Variants in FNDC1 observed in about 807,000 individuals in gnomAD.
The protein encoded by FNDC1 is fibronectin type III domain containing 1.
FNDC1 carries 96 observed loss-of-function variants against 168.0 expected under a neutral mutation model. The ratio of observed to expected loss-of-function variants is 0.57; its 90% CI spans 0.48 to 0.68. FNDC1 has a LOEUF of 0.68. Ranked by LOEUF, FNDC1 falls within the 30% of genes least tolerant of loss-of-function variation. FNDC1 has a pLI of 0.00. For missense variants in FNDC1, 2,587 were observed against 2,482.1 expected, an observed-to-expected ratio of 1.04 and a Z score of -0.90; for synonymous variants, 1,099 against 1,025.9, an observed-to-expected ratio of 1.07 and a Z score of -1.36.
intron 15 of FNDC1, 114 bp from the exon 16 acceptor site, chr6:159,248,917 GTGTGTGTC>G (rs1175569055): frequency 2.1e-5 from 16 of 779,500 alleles, no homozygotes; most frequent in South Asian, 1.8e-4. Flanking sequence ...GTGTGTGTGT[GTGTGTGTC>G]TGTCTGTCTG....
intron 1 of FNDC1, among the ~76,000 whole-genome samples, chr6:159,196,120 T>C (rs910064381): frequency 6.6e-6 from 1 of 152,224 alleles, no homozygotes; most frequent in African/African-American, 2.4e-5. Context: ...CTTCATAGTC[T>C]TCCCAACTCA....
chr6:159,228,110 C>A (rs1035027538), intron 9 of FNDC1, among the ~76,000 whole-genome samples: 1 of 152,126 alleles, frequency 6.6e-6, no homozygotes, highest in African/African-American at 2.4e-5. Context: ...ACTTTATTCC[C>A]ATGCTACTTA....
rs777463405 is a variant in FNDC1, at chr6:159,233,938, C to A, written c.3426C>A (p.Gly1142=). ...AASPARPSRP[G]GPQSRARVPS... ...CCCCCGCCAGGCCCAGCCGACCCGG[C>A]GGCCCCCAGTCCCGCGCCCGGGTAC... Residue 1142 remains glycine, a synonymous_variant, in exon 11 of 23, where the codon GGC becomes GGA. Coordinates refer to ENST00000297267, the MANE Select transcript of FNDC1 (RefSeq NM_032532.3). This position sits in a 1 kb window ranked among gnomAD's most constrained non-coding sequence, Gnocchi z 4.6. 6.4e-7 allele frequency: 1 copy of A among 1,558,724 alleles called. No individual in the cohort carries two copies. The highest frequency in any genetic ancestry group is 1.2e-5 in the South Asian group (1 of 84,988).
At chr6:159,268,813 T>G (rs1777645435) in intron 22 of FNDC1, among the ~76,000 whole-genome samples, 1 of 149,058 alleles carries the variant, frequency 6.7e-6, no homozygotes, top group African/African-American at 2.5e-5. Flanking sequence ...TCTATTCATC[T>G]ATCTATTCAT....
chr6:159,183,386 C>T (rs1781923413), intron 1 of FNDC1, among the ~76,000 whole-genome samples: 1 of 152,188 alleles, frequency 6.6e-6, no homozygotes, highest in African/African-American at 2.4e-5. Context: ...GGTTCTCCTA[C>T]CACTAAAATT....
At chr6:159,215,440 G>A (rs932119685) in intron 5 of FNDC1, among the ~76,000 whole-genome samples, 1 of 152,186 alleles carries the variant, frequency 6.6e-6, no homozygotes, top group South Asian at 2.1e-4. Context: ...TGAGAGTAGG[G>A]CCAGTCTTGT....
At chr6:159,180,779 A>C (rs1201782876) in intron 1 of FNDC1, among the ~76,000 whole-genome samples, 1 of 152,156 alleles carries the variant, frequency 6.6e-6, no homozygotes, top group Non-Finnish European at 1.5e-5. Flanking sequence ...AATGGCTTCC[A>C]GCATTATCCA....
intron 1 of FNDC1, among the ~76,000 whole-genome samples, chr6:159,176,738 G>T (rs1226203556): frequency 1.3e-5 from 2 of 152,158 alleles, no homozygotes; most frequent in Non-Finnish European, 2.9e-5. Context: ...CCATAAGGTG[G>T]CATGTCGCTG....
At chr6:159,221,976 G>T (rs556597939) in intron 6 of FNDC1, among the ~76,000 whole-genome samples, 1 of 152,196 alleles carries the variant, frequency 6.6e-6, no homozygotes, top group Non-Finnish European at 1.5e-5. Flanking sequence ...TCCAGTAAAG[G>T]TGCAGTGTGA....
At chr6:159,234,588 C>A in intron 11 of FNDC1, 109 bp downstream of exon 11, 4 of 1,008,184 alleles carry the variant, frequency 4.0e-6, no homozygotes, top group Non-Finnish European at 5.9e-6. Flanking sequence ...GTCCACGCAC[C>A]GTGTTAAGAG....
In FNDC1 at chr6:159,245,771, C is replaced by T. The variant is rs1189825755; in HGVS notation, c.4622-1130C>T. Among the ~76,000 whole-genome samples, 2 of 23,130 alleles carry T rather than the reference C, an allele frequency of 8.6e-5. 1 individual carries two copies. Among genetic ancestry groups the T allele is most frequent in the African/African-American group, 3.0e-4 (2 of 6,636 alleles). The allele number at this position is 23,130 out of a possible 152,430, so 15.2% of individuals were successfully genotyped here. ...TTTTTTTTTTTTTTTTTTTTTGAGA[C>T]GGAGTCTCACTCTGTCACCCAGGCT... On this transcript the variant is annotated intron_variant, in intron 14 of 22. Transcript: ENST00000297267.
chr6:159,204,362 G>A (rs1345819980), intron 4 of FNDC1, among the ~76,000 whole-genome samples: 2 of 152,108 alleles, frequency 1.3e-5, no homozygotes, highest in African/African-American at 4.8e-5. Flanking sequence ...CCCTCATGGA[G>A]TTAAAGTTAC....
At chr6:159,174,830 G>A (rs925679219) in intron 1 of FNDC1, among the ~76,000 whole-genome samples, 4 of 152,210 alleles carry the variant, frequency 2.6e-5, no homozygotes, top group Non-Finnish European at 4.4e-5. Flanking sequence ...TGGGGTGAGA[G>A]CAAGGGATGT....
intron 1 of FNDC1, among the ~76,000 whole-genome samples, chr6:159,195,875 G>C (rs544214198): frequency 7.9e-5 from 12 of 152,144 alleles, no homozygotes; most frequent in Non-Finnish European, 1.6e-4. Flanking sequence ...AGAAAAGTGC[G>C]ATATGTATAT....
intron 9 of FNDC1, among the ~76,000 whole-genome samples, chr6:159,228,755 A>T (rs1363987684): frequency 6.6e-6 from 1 of 152,122 alleles, no homozygotes; most frequent in East Asian, 1.9e-4. Context: ...GGCTCACTGC[A>T]ACCTCTGCCT....
chr6:159,243,940 A>G (rs1031099568), intron 14 of FNDC1, among the ~76,000 whole-genome samples: 1 of 152,162 alleles, frequency 6.6e-6, no homozygotes, highest in African/African-American at 2.4e-5. Context: ...TAAAAGCATC[A>G]TTTCTGTGGC....
chr6:159,190,133 G>A (rs1237142055), intron 1 of FNDC1, among the ~76,000 whole-genome samples: 2 of 152,150 alleles, frequency 1.3e-5, no homozygotes, highest in Non-Finnish European at 2.9e-5. Flanking sequence ...TGAAGGTGGC[G>A]CGAGGTGGTC....
At chr6:159,177,398 A>C (rs1057479021) in intron 1 of FNDC1, among the ~76,000 whole-genome samples, 50 of 152,142 alleles carry the variant, frequency 3.3e-4, no homozygotes, top group African/African-American at 1.1e-3. Context: ...TCATGATCCC[A>C]CATTTGTCTG....
chr6:159,217,217 TAGG>T (rs1403076815), intron 5 of FNDC1, among the ~76,000 whole-genome samples: 1 of 152,058 alleles, frequency 6.6e-6, no homozygotes, highest in African/African-American at 2.4e-5. Flanking sequence ...GAGAGTTGCC[TAGG>T]AGGAGAGATG....
Sources: allele counts gnomAD v4.1 joint callset (sites outside exome capture counted in the v4.1 genomes callset), GRCh38; gene constraint gnomAD v4.1.1; non-coding constraint Gnocchi (gnomAD v3.1); transcripts MANE v1.5; gene names NCBI Gene and HGNC (gene_info 2026-07-23, HGNC 2026-07-21).